Variants in PCDH15 observed in about 807,000 individuals in gnomAD.
The protein encoded by PCDH15 is protocadherin-15.
PCDH15 carries 129 observed loss-of-function variants against 178.5 expected under a neutral mutation model. The observed-to-expected ratio is 0.72, with a 90% CI of 0.63 to 0.84. The LOEUF (loss-of-function observed/expected upper bound fraction) is 0.84, where lower values mean the gene tolerates loss of function less well. Ranked by LOEUF, PCDH15 falls within the 40% of genes least tolerant of loss-of-function variation. PCDH15 has a pLI of 0.00. For missense variants in PCDH15, 2,230 were observed against 2,099.9 expected (o/e 1.06, Z -1.21); for synonymous variants, 800 against 732.0 (o/e 1.09, Z -1.50).
intron 2 of PCDH15, among the ~76,000 whole-genome samples, chr10:55,409,365 G>C (rs1323850052): frequency 6.6e-6 from 1 of 152,038 alleles, no homozygotes; most frequent in Non-Finnish European, 1.5e-5. Flanking sequence ...TCCTGTTTTT[G>C]TCTCTCATGT....
At chr10:55,490,936 A>G (rs1477842110) in intron 2 of PCDH15, among the ~76,000 whole-genome samples, 2 of 151,960 alleles carry the variant, frequency 1.3e-5, no homozygotes, top group East Asian at 3.9e-4. Flanking sequence ...AAGAACAATT[A>G]CAAGAACAAT....
chr10:53,872,779 T>C (rs1327041590), intron 26 of PCDH15, among the ~76,000 whole-genome samples: 2 of 152,174 alleles, frequency 1.3e-5, no homozygotes, highest in Non-Finnish European at 2.9e-5. Context: ...CTTTCAGTCT[T>C]CTCCAGAGAT....
At chr10:55,328,524 T>C (rs1460843129) in intron 2 of PCDH15, among the ~76,000 whole-genome samples, 2 of 151,780 alleles carry the variant, frequency 1.3e-5, no homozygotes, top group Non-Finnish European at 2.9e-5. Flanking sequence ...TATAATCTTA[T>C]GGGATCGCCA....
intron 2 of PCDH15, among the ~76,000 whole-genome samples, chr10:55,589,596 T>G (rs904937734): frequency 1.3e-5 from 2 of 151,824 alleles, no homozygotes; most frequent in Admixed American, 1.3e-4. Flanking sequence ...GAATCTACAA[T>G]GAACTCAAAC....
intron 2 of PCDH15, among the ~76,000 whole-genome samples, chr10:55,522,998 T>C (rs1439061803): frequency 6.6e-6 from 1 of 151,716 alleles, no homozygotes; most frequent in African/African-American, 2.4e-5. Context: ...TTTGTGATTA[T>C]CATGAGATTT....
intron 1 of PCDH15, among the ~76,000 whole-genome samples, chr10:55,251,687 A>T (rs931717857): frequency 4.6e-5 from 7 of 152,178 alleles, no homozygotes; most frequent in African/African-American, 1.4e-4. Flanking sequence ...CTCTGTGATG[A>T]ATGTCCACAG....
intron 2 of PCDH15, among the ~76,000 whole-genome samples, chr10:54,622,717 AAT>A (rs1214066619): frequency 0.015 from 487 of 31,852 alleles, 11 homozygotes; most frequent in African/African-American, 0.052. Context: ...TATTATATAT[AAT>A]ATATATTATA....
chr10:55,612,057 A>G (rs1843378476), intron 2 of PCDH15, among the ~76,000 whole-genome samples: 1 of 152,066 alleles, frequency 6.6e-6, no homozygotes, highest in African/African-American at 2.4e-5. Flanking sequence ...TATTTGTCAA[A>G]TGGTACAAGG....
chr10:53,840,256 G>A (rs2132758868), intron 29 of PCDH15, 64 bp downstream of exon 29: 1 of 1,544,654 alleles, frequency 6.5e-7, no homozygotes. Context: ...ATAGCCTCAA[G>A]TCAGAATCAT....
chr10:54,192,174 A>G (rs1196553421), intron 11 of PCDH15, among the ~76,000 whole-genome samples: 2 of 132,570 alleles, frequency 1.5e-5, no homozygotes, highest in Non-Finnish European at 3.2e-5. Context: ...AAGAAAGAAA[A>G]AGAAAGAGAA....
chr10:54,299,543 G>A (rs2060024311), intron 8 of PCDH15, among the ~76,000 whole-genome samples: 1 of 152,156 alleles, frequency 6.6e-6, no homozygotes, highest in Non-Finnish European at 1.5e-5. Context: ...AAGCACTGAG[G>A]CTACTGACAA....
Position 55,407,749 on chromosome 10 carries a change from C to T in PCDH15, c.-156+219876G>A, listed in dbSNP as rs147231620. On this transcript the variant is annotated intron_variant, in intron 2 of 5. Coordinates refer to the PCDH15 transcript ENST00000613346. ...GCATGTGTACTGATTACTTATAAGA[C>T]GCATTTCTTAGAAAGGAGAAGGCAA... Among the ~76,000 whole-genome samples the T allele has an allele frequency of 1.9e-3, 293 of 152,172 alleles. 1 individual carries two copies. The highest frequency in any genetic ancestry group is 4.8e-3 in the African/African-American group (201 of 41,538).
At chr10:55,517,486 C>T (rs1841045576) in intron 2 of PCDH15, among the ~76,000 whole-genome samples, 1 of 151,932 alleles carries the variant, frequency 6.6e-6, no homozygotes, top group Non-Finnish European at 1.5e-5. Flanking sequence ...GTTCATTGTT[C>T]TACATTTTAC....
intron 25 of PCDH15, among the ~76,000 whole-genome samples, chr10:53,918,718 ACACACACACACACACACACACAC>A (rs1564766523): frequency 0.024 from 31 of 1,282 alleles, no homozygotes; most frequent in African/African-American, 0.056. Flanking sequence ...ACACAAACAC[ACACACACACACACACACACACAC>A]ACACACACAC....
intron 5 of PCDH15, among the ~76,000 whole-genome samples, chr10:54,357,784 C>G (rs1945277436): frequency 6.6e-6 from 1 of 152,106 alleles, no homozygotes; most frequent in African/African-American, 2.4e-5. Context: ...CTACAGTAAC[C>G]AAAACAGCAT....
chr10:54,257,676 T>G (rs560329775), intron 8 of PCDH15, among the ~76,000 whole-genome samples: 1 of 152,212 alleles, frequency 6.6e-6, no homozygotes, highest in South Asian at 2.1e-4. Context: ...AAACATTTTG[T>G]GGCCTTACAT....
At chr10:54,005,453 C>G (rs1171968136) in intron 20 of PCDH15, among the ~76,000 whole-genome samples, 2 of 152,036 alleles carry the variant, frequency 1.3e-5, no homozygotes, top group African/African-American at 4.8e-5. Context: ...GTTCAAACAA[C>G]TTTGTAAGAA....
chr10:54,267,748 CT>C (rs2057786051), intron 8 of PCDH15, among the ~76,000 whole-genome samples: 2 of 151,784 alleles, frequency 1.3e-5, no homozygotes, highest in African/African-American at 4.8e-5. Flanking sequence ...TTAAGTCGAA[CT>C]ACAAAACACT....
Position 54,591,889 on chromosome 10 carries a change from A to T in PCDH15, c.92-64012T>A, listed in dbSNP as rs115123289. ...AATCTGATAAAAAGTAATATGTCTC[A>T]TTCAGTCCCAACTACGCTCAACATG... is the stretch of plus-strand genomic sequence containing the variant. On this transcript the variant is annotated intron_variant, in intron 2 of 37. Coordinates refer to ENST00000644397, the MANE Select transcript of PCDH15 (RefSeq NM_001384140.1). 9.8e-3 allele frequency among the ~76,000 whole-genome samples: 1,489 copies of T among 152,252 alleles called. 25 individuals carry two copies. The highest frequency in any genetic ancestry group is 0.034 in the African/African-American group (1,432 of 41,560).
Sources: allele counts gnomAD v4.1 joint callset (sites outside exome capture counted in the v4.1 genomes callset), GRCh38; gene constraint gnomAD v4.1.1; transcripts MANE v1.5; gene names NCBI Gene and HGNC (gene_info 2026-07-23, HGNC 2026-07-21).